FGF12: variants seen among roughly 807,000 people sequenced by gnomAD.
The protein encoded by FGF12 is fibroblast growth factor 12B.
A neutral mutation model predicts 23.6 loss-of-function variants in FGF12; 14 were observed. That is an observed-to-expected ratio of 0.59 (90% confidence interval 0.39 to 0.93). FGF12 has a LOEUF of 0.93. FGF12 is among the 40% of genes least tolerant of loss of function. The pLI, the probability that FGF12 is intolerant of heterozygous loss-of-function variation, is 0.00. For synonymous variants in FGF12, 62 were observed against 77.3 expected (o/e 0.80, Z 1.04); for missense variants, 175 against 217.8 (o/e 0.80, Z 1.24).
At chr3:192,355,995 T>C (rs1378741148) in intron 3 of FGF12, among the ~76,000 whole-genome samples, 1 of 152,236 alleles carries the variant, frequency 6.6e-6, no homozygotes, top group African/African-American at 2.4e-5. Flanking sequence ...CTTGGGAGTG[T>C]CAAGCCACCT....
chr3:192,644,698 G>A (rs1394124289), intron 2 of FGF12, among the ~76,000 whole-genome samples: 1 of 152,052 alleles, frequency 6.6e-6, no homozygotes, highest in Admixed American at 6.6e-5. Flanking sequence ...CCAAGCTGTG[G>A]GACTGCAAGT....
rs200576975 is a variant in FGF12, at chr3:192,335,361, T to C, written c.228A>G (p.Ser76=). ...CAAATACACACTACAATGTACTTAC[T>C]GAACTGTAGAGATAGCCTTCACCAT... is the stretch of plus-strand genomic sequence containing the variant. ...AMNGEGYLYS[S]DVFTPECKFK... is the part of the protein sequence containing the mutation. The change falls in exon 4 of 6, where the codon TCA becomes TCG. Residue 76 remains serine, a splice_region_variant and synonymous_variant. Coordinates refer to ENST00000445105, the MANE Select transcript of FGF12 (RefSeq NM_004113.6). 71 of 1,600,096 alleles carry C rather than the reference T, an allele frequency of 4.4e-5. No homozygotes were observed. The Middle Eastern group carries it at 5.0e-4, about 11-fold the overall frequency.
At chr3:192,512,336 T>C (rs1157930058) in intron 2 of FGF12, among the ~76,000 whole-genome samples, 1 of 152,098 alleles carries the variant, frequency 6.6e-6, no homozygotes, top group Admixed American at 6.5e-5. Flanking sequence ...GAGGTCATAC[T>C]AATGGCACAG....
intron 2 of FGF12, among the ~76,000 whole-genome samples, chr3:192,559,591 C>T (rs1711927660): frequency 6.6e-6 from 1 of 151,782 alleles, no homozygotes; most frequent in Non-Finnish European, 1.5e-5. Context: ...CATATGTATA[C>T]ATATGTAACA....
At chr3:192,162,171 T>G (rs1371140775) in intron 5 of FGF12, among the ~76,000 whole-genome samples, 1 of 152,146 alleles carries the variant, frequency 6.6e-6, no homozygotes, top group Non-Finnish European at 1.5e-5. Context: ...AGATACTTAA[T>G]TGTCTTAATA....
chr3:192,160,984 A>G (rs1714837412), intron 5 of FGF12, among the ~76,000 whole-genome samples: 1 of 152,124 alleles, frequency 6.6e-6, no homozygotes, highest in South Asian at 2.1e-4. Flanking sequence ...GTGATATTTG[A>G]ATAATCAAAT....
chr3:192,487,245 CAT>C (rs1300384622), intron 2 of FGF12, among the ~76,000 whole-genome samples: 4 of 152,132 alleles, frequency 2.6e-5, no homozygotes, highest in African/African-American at 9.7e-5. Flanking sequence ...TCATAGCAAC[CAT>C]AGTAACTAAT....
chr3:192,532,487 TA>T (rs1028805739), intron 2 of FGF12, among the ~76,000 whole-genome samples: 6 of 151,808 alleles, frequency 4.0e-5, no homozygotes, highest in African/African-American at 1.2e-4. Context: ...TATTACTAAG[TA>T]TTTTTTTTAT....
At chr3:192,158,493 CCTCT>C (rs924681317) in intron 5 of FGF12, among the ~76,000 whole-genome samples, 3 of 145,810 alleles carry the variant, frequency 2.1e-5, no homozygotes, top group East Asian at 2.0e-4. Flanking sequence ...TCCCTTCCTT[CCTCT>C]CTCTTTCCTT....
At chr3:192,378,231 C>T (rs1472052565) in intron 2 of FGF12, among the ~76,000 whole-genome samples, 1 of 149,634 alleles carries the variant, frequency 6.7e-6, no homozygotes. Context: ...CCGCCTTAGC[C>T]TCCTGAGTAG....
chr3:192,328,588 T>C (rs1390789464), intron 4 of FGF12, among the ~76,000 whole-genome samples: 6 of 152,316 alleles, frequency 3.9e-5, no homozygotes, highest in African/African-American at 1.4e-4. Context: ...CTCTCAAAGA[T>C]AAACTGTAAC....
chr3:192,440,383 G>A (rs967792261), intron 2 of FGF12, among the ~76,000 whole-genome samples: 8 of 152,244 alleles, frequency 5.3e-5, no homozygotes, highest in African/African-American at 1.9e-4. Flanking sequence ...AGCAGCTCAG[G>A]TGAAAGACAC....
chr3:192,356,078 T>C (rs1421624985), intron 3 of FGF12, among the ~76,000 whole-genome samples: 5 of 152,202 alleles, frequency 3.3e-5, no homozygotes, highest in Admixed American at 3.3e-4. Context: ...TGGTGCCACA[T>C]ACTTATCTTA....
chr3:192,247,080 GGAAGGAA>G, intron 4 of FGF12, among the ~76,000 whole-genome samples: 1 of 138,218 alleles, frequency 7.2e-6, no homozygotes, highest in Non-Finnish European at 1.6e-5. Context: ...AAGGAAGGAA[GGAAGGAA>G]GGAAGGAAGG....
chr3:192,247,067 AGGAAGGAAG>A (rs1313566065), intron 4 of FGF12, among the ~76,000 whole-genome samples: 9 of 147,520 alleles, frequency 6.1e-5, no homozygotes, highest in Non-Finnish European at 1.4e-4. Context: ...GAAGGAAGGA[AGGAAGGAAG>A]GAAGGAAGGA....
intron 2 of FGF12, among the ~76,000 whole-genome samples, chr3:192,676,322 A>G (rs1010988048): frequency 2.0e-5 from 3 of 152,158 alleles, no homozygotes; most frequent in African/African-American, 7.2e-5. Flanking sequence ...GAGTCCTAGG[A>G]GCATAGAGTT....
At chr3:192,672,721 A>G (rs1261613262) in intron 2 of FGF12, among the ~76,000 whole-genome samples, 1 of 151,062 alleles carries the variant, frequency 6.6e-6, no homozygotes, top group East Asian at 1.9e-4. Flanking sequence ...GTTGTTGAAC[A>G]TTCTGCTGCC....
intron 2 of FGF12, among the ~76,000 whole-genome samples, chr3:192,583,943 C>T (rs1713264505): frequency 6.6e-6 from 1 of 152,122 alleles, no homozygotes; most frequent in South Asian, 2.1e-4. Context: ...TAGGGTTCTG[C>T]TGACTTAAAA....
chr3:192,694,661 C>CACAGTAAAATAGTAT (rs533651678), intron 2 of FGF12, among the ~76,000 whole-genome samples: 210 of 151,274 alleles, frequency 1.4e-3, no homozygotes, highest in African/African-American at 4.9e-3. Flanking sequence ...TATATATGTA[C>CACAGTAAAATAGTAT]ACAGTAAAAT....
Sources: gnomAD v4.1 joint callset for allele counts (sites outside exome capture counted in the v4.1 genomes callset) on GRCh38, gnomAD v4.1.1 for gene constraint, MANE v1.5 for transcripts, NCBI Gene and HGNC (gene_info 2026-07-23, HGNC 2026-07-21) for gene names.